The following ADCY5 variants were observed in gnomAD, a reference collection of about 807,000 sequenced individuals.
ADCY5 encodes adenylate cyclase type 5.
Under a neutral mutation model 119.7 loss-of-function variants are expected in ADCY5, and 30 were observed. That is an observed-to-expected ratio of 0.25 (90% CI 0.19 to 0.34). ADCY5 has a LOEUF of 0.34. Ranked by LOEUF, ADCY5 falls within the 10% of genes least tolerant of loss-of-function variation. ADCY5 has a pLI of 1.00. For missense variants in ADCY5, 1,324 were observed against 1,775.2 expected (o/e 0.75, Z 4.57); for synonymous variants, 753 against 762.2 (o/e 0.99, Z 0.20).
rs772869098 is a variant in ADCY5, at chr3:123,327,715, T to A, written c.1850A>T (p.Asp617Val). Residue 617 changes from aspartate (D) to valine (V), a missense_variant, in exon 7 of 21, where the codon GAC becomes GTC. By Grantham distance (152) the Asp-to-Val change is radical. Coordinates refer to ENST00000462833, the MANE Select transcript of ADCY5 (RefSeq NM_183357.3). ...TKATLNYLNG[D>V]YEVEPGCGGE... ...CCCACAGCCTGGCTCCACCTCGTAGTCCCCATTCAGGTAGTTGAGTGTAGC... is the reference window on the plus strand; with the variant it reads ...CCCACAGCCTGGCTCCACCTCGTAGACCCCATTCAGGTAGTTGAGTGTAGC... 20 of 1,614,024 alleles carry A rather than the reference T, an allele frequency of 1.2e-5. No homozygotes were observed. The highest frequency in any genetic ancestry group is 1.7e-5 in the Non-Finnish European group (20 of 1,179,982).
At position 123,308,095 on chromosome 3, in the gene ADCY5, A is replaced by G. The variant is rs533374890; in HGVS notation, c.2443-3912T>C. ...GTCGCCCAGGCTGGAGTGCAGTGGCATGGTCTCGGCTCACTGCAAGCTCCG... is the reference window on the plus strand; with the variant it reads ...GTCGCCCAGGCTGGAGTGCAGTGGCGTGGTCTCGGCTCACTGCAAGCTCCG... On this transcript the variant is annotated intron_variant, in intron 12 of 20. Coordinates refer to ENST00000462833, the MANE Select transcript of ADCY5 (RefSeq NM_183357.3). Among the ~76,000 whole-genome samples the G allele has an allele frequency of 3.5e-4, 45 of 128,768 alleles. No individual in the cohort carries two copies. In the Admixed American group the frequency reaches 3.5e-3, roughly 10 times the overall value. 84.5% of individuals were successfully genotyped at this position (128,768 alleles called of 152,430 possible).
rs1941816712 is a variant in ADCY5 at position 123,332,647 on chromosome 3, T to C, written c.1435A>G (p.Thr479Ala). 1 of 1,613,458 alleles carries C rather than the reference T, an allele frequency of 6.2e-7. No homozygotes were observed. The highest frequency in any genetic ancestry group is 1.3e-5 in the African/African-American group (1 of 74,936). ...GCAGTGCACTGGGACGCCAGGCTGG[T>C]GAAGCCCTCGATGTCAGCAAACAGG... ...SILFADIEGF[T>A]SLASQCTAQE... The change falls in exon 4 of 21, where the codon ACC becomes GCC. Residue 479 changes from threonine (T) to alanine (A), a missense_variant. By Grantham distance (58) the Thr-to-Ala change is moderately conservative (BLOSUM62 0). Coordinates refer to ENST00000462833, the MANE Select transcript of ADCY5 (RefSeq NM_183357.3).
chr3:123,419,197 C>T lies in ADCY5; in HGVS notation c.1134+28215G>A, dbSNP rs544080832. 23 of 985,424 alleles carry T rather than the reference C, an allele frequency of 2.3e-5. No homozygotes were observed. In the African/African-American group the frequency reaches 4.0e-4, roughly 17 times the overall value. 61.0% of individuals were successfully genotyped at this position (985,424 alleles called of 1,614,324 possible). On this transcript the variant is annotated intron_variant, in intron 1 of 20. Coordinates refer to ENST00000462833, the MANE Select transcript of ADCY5 (RefSeq NM_183357.3). ...CCCTCCCCTCATCATGATTCCAGGC[C>T]CTCCATGCATCTGACGAGCACACAG...
intron 1 of ADCY5, among the ~76,000 whole-genome samples, chr3:123,428,873 C>A (rs1050351956): frequency 6.6e-6 from 1 of 152,242 alleles, no homozygotes; most frequent in Non-Finnish European, 1.5e-5. Context: ...AATTCTTGCA[C>A]ACCTACGTTT....
At chr3:123,363,732 G>A (rs1257516433) in intron 1 of ADCY5, among the ~76,000 whole-genome samples, 1 of 152,056 alleles carries the variant, frequency 6.6e-6, no homozygotes, top group African/African-American at 2.4e-5. Context: ...AACATAGTGA[G>A]ACCCCATCTC....
chr3:123,315,886 C>A (rs954226492), intron 11 of ADCY5, among the ~76,000 whole-genome samples: 5 of 152,208 alleles, frequency 3.3e-5, no homozygotes, highest in Middle Eastern at 3.4e-3. Context: ...CACCTGGCCT[C>A]CAGGTTGCTT....
At chr3:123,429,312 A>G (rs1333042436) in intron 1 of ADCY5, among the ~76,000 whole-genome samples, 2 of 152,214 alleles carry the variant, frequency 1.3e-5, no homozygotes, top group Admixed American at 6.5e-5. Flanking sequence ...TGCTGTTCCC[A>G]AAGACCGCTA....
intron 1 of ADCY5, among the ~76,000 whole-genome samples, chr3:123,402,071 T>C (rs999326777): frequency 6.6e-6 from 1 of 152,012 alleles, no homozygotes; most frequent in Non-Finnish European, 1.5e-5. Flanking sequence ...AGCTTAAAGG[T>C]AGTGTGATTA....
At chr3:123,374,025 A>G (rs1400374962) in intron 1 of ADCY5, among the ~76,000 whole-genome samples, 1 of 152,192 alleles carries the variant, frequency 6.6e-6, no homozygotes, top group East Asian at 1.9e-4. Context: ...ATAAGCACTC[A>G]TGGTTAAGGT....
chr3:123,331,186 A>G (rs954546158), intron 4 of ADCY5, among the ~76,000 whole-genome samples, 170 bp from the exon 5 acceptor site: 1 of 152,110 alleles, frequency 6.6e-6, no homozygotes, highest in Non-Finnish European at 1.5e-5. Flanking sequence ...GCTTATCAGG[A>G]GACATTGGGG....
At chr3:123,446,765 G>A (rs1945823198) in intron 1 of ADCY5, among the ~76,000 whole-genome samples, 1 of 152,100 alleles carries the variant, frequency 6.6e-6, no homozygotes, top group African/African-American at 2.4e-5. Context: ...AGGCCGGAAG[G>A]GGAATTGCCA....
chr3:123,355,851 A>C (rs1943020153), intron 1 of ADCY5, among the ~76,000 whole-genome samples: 1 of 152,230 alleles, frequency 6.6e-6, no homozygotes, highest in Non-Finnish European at 1.5e-5. Context: ...AAAATAGCCA[A>C]AATAGTTTTG....
At chr3:123,330,152 C>T (rs530907739) in intron 5 of ADCY5, among the ~76,000 whole-genome samples, 21 of 152,356 alleles carry the variant, frequency 1.4e-4, no homozygotes, top group Non-Finnish European at 2.9e-4. Flanking sequence ...TTGGCAAGTG[C>T]TGCAAGTAGA....
chr3:123,297,006 G>A (rs746650862), intron 16 of ADCY5: 2 of 1,536,102 alleles, frequency 1.3e-6, no homozygotes, highest in African/African-American at 1.4e-5. Flanking sequence ...CAGAGGGAAA[G>A]TAGGTACCAG....
chr3:123,296,424 C>A (rs1024085084), intron 16 of ADCY5, among the ~76,000 whole-genome samples: 3 of 152,188 alleles, frequency 2.0e-5, no homozygotes, highest in Non-Finnish European at 2.9e-5. Context: ...CCTGCTTGCA[C>A]CTGCAGCTCA....
intron 1 of ADCY5, among the ~76,000 whole-genome samples, chr3:123,368,514 T>C (rs1010324780): frequency 1.3e-5 from 2 of 152,208 alleles, no homozygotes; most frequent in African/African-American, 4.8e-5. Context: ...GGAGAATTGC[T>C]TGAACCCAGG....
intron 15 of ADCY5, among the ~76,000 whole-genome samples, chr3:123,299,716 G>A (rs1349741422): frequency 6.6e-6 from 1 of 152,244 alleles, no homozygotes; most frequent in Non-Finnish European, 1.5e-5. Context: ...AGGAACAGCG[G>A]ATATCCAGGC....
intron 1 of ADCY5, among the ~76,000 whole-genome samples, chr3:123,355,048 A>C (rs1361314379): frequency 1.3e-5 from 2 of 152,202 alleles, no homozygotes; most frequent in Admixed American, 6.5e-5. Flanking sequence ...CCAGCAGCAA[A>C]GCCAGGTTGT....
At chr3:123,296,008 C>T in intron 17 of ADCY5, 76 bp downstream of exon 17, 1 of 1,576,612 alleles carries the variant, frequency 6.3e-7, no homozygotes, top group Non-Finnish European at 8.6e-7. Context: ...TGGCCTGGCC[C>T]AGCAGACGAG....
Sources: gnomAD v4.1 joint callset for allele counts (sites outside exome capture counted in the v4.1 genomes callset) on GRCh38, gnomAD v4.1.1 for gene constraint, MANE v1.5 for transcripts, NCBI Gene and HGNC (gene_info 2026-07-23, HGNC 2026-07-21) for gene names.